DNAJC15: variants seen among roughly 807,000 people sequenced by gnomAD.
DNAJC15 encodes the protein dnaJ homolog subfamily C member 15.
Under a neutral mutation model 22.4 loss-of-function variants are expected in DNAJC15, and 27 were observed. That is an observed-to-expected ratio of 1.20 (90% CI 0.89 to 1.66). The LOEUF (loss-of-function observed/expected upper bound fraction) is 1.66. Ranked by LOEUF, DNAJC15 falls within the 40% of genes most tolerant of loss-of-function variation. The pLI is 0.00. For synonymous variants in DNAJC15, 79 were observed against 63.2 expected (o/e 1.25, Z -1.19); for missense variants, 208 against 187.1 (o/e 1.11, Z -0.65).
chr13:43,037,772 G>A (rs1209572265), intron 1 of DNAJC15, among the ~76,000 whole-genome samples: 1 of 152,102 alleles, frequency 6.6e-6, no homozygotes, highest in African/African-American at 2.4e-5. Flanking sequence ...AAGGAATTAG[G>A]TGCAGTCATC....
chr13:43,023,812 T>C, intron 1 of DNAJC15, 78 bp downstream of exon 1: 2 of 1,328,146 alleles, frequency 1.5e-6, no homozygotes, highest in Non-Finnish European at 2.1e-6. Context: ...CGCCTCACCC[T>C]TGAACCTTTG....
Position 43,095,683 on chromosome 13 carries a change from A to G in DNAJC15, c.382+9845A>G, listed in dbSNP as rs1000236134. ...CATCAAAGGAGACAGAAGGAAAAAA[A>G]TGTAAGGAGAAAATGATACCATAGA... is the stretch of plus-strand genomic sequence containing the variant. On this transcript the variant is annotated intron_variant, in intron 5 of 5. Transcript: ENST00000379221. 8.5e-5 allele frequency among the ~76,000 whole-genome samples: 13 copies of G among 152,320 alleles called. 2 individuals carry two copies. The Middle Eastern group carries it at 0.02, about 239-fold the overall frequency.
At chr13:43,105,174 G>C (rs9594886) in intron 5 of DNAJC15, among the ~76,000 whole-genome samples, 1,713 of 152,044 alleles carry the variant, frequency 0.011, 41 homozygotes, top group South Asian at 0.11. Flanking sequence ...CAATTACAGA[G>C]CTACTCTGTC....
Position 43,113,877 on chromosome 13 carries a change from A to G in DNAJC15, c.*6629A>G, listed in dbSNP as rs7991563. 32,934 of 152,112 alleles carry G rather than the reference A, an allele frequency of 0.22. 3,728 individuals are homozygous for G. Among genetic ancestry groups the G allele is most frequent in the South Asian group, 0.39 (1,895 of 4,812 alleles). 9.4% of individuals were successfully genotyped at this position (152,112 alleles called of 1,614,324 possible). ...TGCAGTGCTGAAGAAAGCAGCAGGT[A>G]CACACAGAAATGCAGCCTTTCCTGG... On this transcript the variant is annotated 3_prime_UTR_variant, in exon 6 of 6. Coordinates refer to ENST00000379221, the MANE Select transcript of DNAJC15 (RefSeq NM_013238.3).
chr13:43,032,195 C>T (rs2040407145), intron 1 of DNAJC15, among the ~76,000 whole-genome samples: 1 of 152,170 alleles, frequency 6.6e-6, no homozygotes, highest in Non-Finnish European at 1.5e-5. Flanking sequence ...AGTCTTTCAC[C>T]ATTGCATCCC....
chr13:43,053,312 A>G lies in DNAJC15; in HGVS notation c.109-12374A>G, dbSNP rs566901027. Among the ~76,000 whole-genome samples the G allele has an allele frequency of 2.6e-5, 4 of 152,290 alleles. No homozygotes were observed. In the South Asian group the frequency reaches 6.2e-4, roughly 24 times the overall value. ...GCTGTTTTGGTGACTATGGCTTTAT[A>G]GTATAGTTTGAAGTCAGGTAATGTG... On this transcript the variant is annotated intron_variant, in intron 1 of 5. Transcript: ENST00000379221.
At chr13:43,092,638 T>A (rs1229229571) in intron 5 of DNAJC15, among the ~76,000 whole-genome samples, 3 of 148,180 alleles carry the variant, frequency 2.0e-5, no homozygotes, top group African/African-American at 7.9e-5. Flanking sequence ...AGTAACTTGA[T>A]AGATACATTT....
intron 3 of DNAJC15, among the ~76,000 whole-genome samples, chr13:43,070,065 A>G (rs1235607057): frequency 6.6e-6 from 1 of 152,190 alleles, no homozygotes; most frequent in African/African-American, 2.4e-5. Context: ...AGAAATTTTC[A>G]ATGTTTATGT....
At chr13:43,086,068 C>T (rs552118338) in intron 5 of DNAJC15, among the ~76,000 whole-genome samples, 7 of 152,128 alleles carry the variant, frequency 4.6e-5, no homozygotes, top group African/African-American at 1.7e-4. Flanking sequence ...TATATGACTT[C>T]CTGAACCATC....
At chr13:43,095,848 A>C (rs2040737151) in intron 5 of DNAJC15, among the ~76,000 whole-genome samples, 1 of 152,156 alleles carries the variant, frequency 6.6e-6, no homozygotes, top group Non-Finnish European at 1.5e-5. Flanking sequence ...CTTAAAAAAC[A>C]GTTTTAATTG....
At chr13:43,063,190 A>C (rs529326625) in intron 1 of DNAJC15, among the ~76,000 whole-genome samples, 1 of 152,130 alleles carries the variant, frequency 6.6e-6, no homozygotes, top group South Asian at 2.1e-4. Context: ...TTGTATTTTT[A>C]ATAGAGACGG....
rs2040810072 is a variant in DNAJC15 at position 43,108,639 on chromosome 13, G to A, written c.*1391G>A. The A allele has an allele frequency of 6.6e-6, 1 of 151,934 alleles. No individual in the cohort carries two copies. The allele number at this position is 151,934 out of a possible 1,614,324, so 9.4% of individuals were successfully genotyped here. Reference sequence around the variant, plus strand: ...CATGTTAGGCCAAATAATTTTTTTTGTGGGAGGTCTCTTGTGCGTTTTAGA... The same window carrying A: ...CATGTTAGGCCAAATAATTTTTTTTATGGGAGGTCTCTTGTGCGTTTTAGA... On this transcript the variant is annotated 3_prime_UTR_variant, in exon 6 of 6. Transcript: ENST00000379221.
intron 1 of DNAJC15, among the ~76,000 whole-genome samples, chr13:43,065,346 GC>G (rs1211786229): frequency 5.9e-5 from 9 of 152,066 alleles, no homozygotes; most frequent in Non-Finnish European, 1.3e-4. Context: ...GGAAATATGT[GC>G]TTTTTATCTT....
chr13:43,104,718 C>G (rs2153442408), intron 5 of DNAJC15, among the ~76,000 whole-genome samples: 1 of 150,338 alleles, frequency 6.7e-6, no homozygotes. Context: ...GAGATAGGGC[C>G]CCACCCTGTC....
intron 1 of DNAJC15, among the ~76,000 whole-genome samples, chr13:43,056,456 A>G (rs952800276): frequency 2.6e-5 from 4 of 152,212 alleles, no homozygotes; most frequent in Non-Finnish European, 5.9e-5. Context: ...TTTGTGGTCT[A>G]TCTTGGAGAA....
At chr13:43,067,539 T>C (rs975482654) in intron 2 of DNAJC15, among the ~76,000 whole-genome samples, 1 of 152,208 alleles carries the variant, frequency 6.6e-6, no homozygotes, top group African/African-American at 2.4e-5. Flanking sequence ...TCCAGGGTCG[T>C]CTTTGTAAAA....
chr13:43,082,587 C>T (rs1172602481), intron 4 of DNAJC15, among the ~76,000 whole-genome samples: 1 of 152,130 alleles, frequency 6.6e-6, no homozygotes, highest in East Asian at 1.9e-4. Context: ...CATACTTGTG[C>T]ATATGAACTT....
chr13:43,075,397 A>C (rs555181944), intron 3 of DNAJC15, among the ~76,000 whole-genome samples: 1 of 152,268 alleles, frequency 6.6e-6, no homozygotes, highest in East Asian at 1.9e-4. Context: ...AAACATGATA[A>C]ATTTATCTTT....
chr13:43,044,864 C>G (rs1291204290), intron 1 of DNAJC15, among the ~76,000 whole-genome samples: 2 of 152,062 alleles, frequency 1.3e-5, no homozygotes, highest in African/African-American at 4.8e-5. Flanking sequence ...ACCATTATCT[C>G]TTTCATGGAT....
Sources: gnomAD v4.1 joint callset for allele counts (sites outside exome capture counted in the v4.1 genomes callset) on GRCh38, gnomAD v4.1.1 for gene constraint, MANE v1.5 for transcripts, NCBI Gene and HGNC (gene_info 2026-07-23, HGNC 2026-07-21) for gene names.